WIZ: variants seen among roughly 807,000 people sequenced by gnomAD.
WIZ encodes protein Wiz.
In WIZ, 25 loss-of-function variants were observed where a neutral mutation model predicts 140.2. That is an observed-to-expected ratio of 0.18 (90% CI 0.13 to 0.25). The LOEUF is 0.25. WIZ is among the 10% of genes least tolerant of loss of function. The probability of loss-of-function intolerance (pLI) is 1.00; values close to 1 mark genes in which losing one functional copy is unlikely to be tolerated. For synonymous variants in WIZ, 1,125 were observed against 1,154.3 expected, an observed-to-expected ratio of 0.97 and a Z score of 0.51; for missense variants, 2,231 against 2,632.6, an observed-to-expected ratio of 0.85 and a Z score of 3.34.
chr19:15,424,427 A>G lies in WIZ; in HGVS notation c.5315-49T>C. ...GATGAGTGGGAGGGGTGGATGCTGC[A>G]GAGACTTGGAATACACAAGAGCTGA... On this transcript the variant is annotated intron_variant, in intron 11 of 12. Transcript: ENST00000673675. The surrounding 1 kb of genome is among the most constrained non-coding windows in gnomAD (Gnocchi z 9.7). 1 of 1,580,526 alleles carries G rather than the reference A, an allele frequency of 6.3e-7. No individual in the cohort carries two copies. Among genetic ancestry groups the G allele is most frequent in the Non-Finnish European group, 8.6e-7 (1 of 1,166,952 alleles).
Position 15,427,365 on chromosome 19 carries a change from C to G in WIZ, c.3983G>C (p.Arg1328Thr), listed in dbSNP as rs1362128280. ...TCCACCAGGCCGAGACTGGGTCCGT[C>G]TCTTCAGGATCTCCCGCAGCGTGTC... is the stretch of plus-strand genomic sequence containing the variant. Reference protein sequence around the residue: ...PIDTLREILKRRTQSRPGGPP... With the variant: ...PIDTLREILKTRTQSRPGGPP... Residue 1328 changes from arginine (R) to threonine (T), a missense_variant, in exon 9 of 13, where the codon AGA becomes ACA. By Grantham distance (71) the Arg-to-Thr change is moderately conservative. Around this residue, in one of 15 missense-constraint regions of WIZ, gnomAD observed 393 missense variants for 451.7 expected, o/e 0.87. Coordinates refer to ENST00000673675, the MANE Select transcript of WIZ (RefSeq NM_001371589.1). The surrounding 1 kb of genome is among the most constrained non-coding windows in gnomAD (Gnocchi z 6.4). The G allele has an allele frequency of 3.1e-6, 5 of 1,613,564 alleles. No individual in the cohort carries two copies. Among genetic ancestry groups the G allele is most frequent in the Non-Finnish European group, 4.2e-6 (5 of 1,180,022 alleles).
Position 15,440,211 on chromosome 19 carries a change from T to G in WIZ, c.783A>C (p.Val261=). The change falls in exon 4 of 13, where the codon GTA becomes GTC. Residue 261 remains valine, a synonymous_variant. Transcript: ENST00000673675. The surrounding 1 kb of genome is among the most constrained non-coding windows in gnomAD (Gnocchi z 6.2). Reference sequence around the variant, plus strand: ...AGTTCACTGTCCAGGTCTGTGTGGCTACCTCCGAGGCTGACGTGGGTAGGC... The same window carrying G: ...AGTTCACTGTCCAGGTCTGTGTGGCGACCTCCGAGGCTGACGTGGGTAGGC... ...EWGLPTSASE[V]ATQTWTVNSE... The G allele has an allele frequency of 6.6e-7, 1 of 1,522,630 alleles. No individual in the cohort carries two copies. Among genetic ancestry groups the G allele is most frequent in the Non-Finnish European group, 8.8e-7 (1 of 1,140,978 alleles). 94.3% of individuals were successfully genotyped at this position (1,522,630 alleles called of 1,614,324 possible).
chr19:15,449,284 C>A (rs116119665), intron 1 of WIZ, among the ~76,000 whole-genome samples: 1 of 151,978 alleles, frequency 6.6e-6, no homozygotes, highest in Non-Finnish European at 1.5e-5. Context: ...TGGTTGCAGG[C>A]GCTGCCCTCG....
At chr19:15,435,402 C>G (rs572619578) in intron 5 of WIZ, among the ~76,000 whole-genome samples, 6 of 151,768 alleles carry the variant, frequency 4.0e-5, no homozygotes, top group South Asian at 2.1e-4. Context: ...CCCAGGAGTT[C>G]CAGACCAGCT....
chr19:15,432,596 G>A lies in WIZ; in HGVS notation c.2741-1414C>T, dbSNP rs1008010999. On this transcript the variant is annotated intron_variant, in intron 5 of 12. Transcript: ENST00000673675. The stretch of plus-strand genomic sequence containing the variant: ...GCGGGGCCCGGGCTCGGGGGGCTGG[G>A]CGGGGGCGCCCCCGCGGGCGCGCGC... 7.4e-5 allele frequency: 23 copies of A among 310,370 alleles called. 1 individual carries two copies. Among genetic ancestry groups the A allele is most frequent in the Non-Finnish European group, 1.1e-4 (23 of 216,924 alleles). 19.2% of individuals were successfully genotyped at this position (310,370 alleles called of 1,614,324 possible).
intron 5 of WIZ, among the ~76,000 whole-genome samples, chr19:15,431,922 G>A (rs1412362960): frequency 1.3e-5 from 2 of 152,240 alleles, no homozygotes; most frequent in Non-Finnish European, 2.9e-5. Flanking sequence ...GAGGCCAGTT[G>A]AACTCCAAAT....
At position 15,442,279 on chromosome 19, in the gene WIZ, C is replaced by G. The variant is rs972202380; in HGVS notation, c.278+397G>C. Among the ~76,000 whole-genome samples the G allele has an allele frequency of 2.6e-5, 4 of 152,066 alleles. No homozygotes were observed. Among genetic ancestry groups the G allele is most frequent in the African/African-American group, 7.2e-5 (3 of 41,408 alleles). On this transcript the variant is annotated intron_variant, in intron 3 of 12. Coordinates refer to ENST00000673675, the MANE Select transcript of WIZ (RefSeq NM_001371589.1). This position sits in a 1 kb window ranked among gnomAD's most constrained non-coding sequence, Gnocchi z 5.5. ...ATCAGCATTGCTCTTGATTCCTGCT[C>G]TCACCCAATGCCCCTTGGATCCTCA...
Position 15,436,925 on chromosome 19 carries a change from A to AG in WIZ, c.2620dup (p.Leu874ProfsTer32). 6.2e-7 allele frequency: 1 copy of AG among 1,613,168 alleles called. No homozygotes were observed. The highest frequency in any genetic ancestry group is 8.5e-7 in the Non-Finnish European group (1 of 1,179,642). On this transcript the variant is annotated frameshift_variant, in exon 5 of 13. Coordinates refer to ENST00000673675, the MANE Select transcript of WIZ (RefSeq NM_001371589.1). LOFTEE classifies it high-confidence loss of function. ...AGGCGGACCCCCAGGCTCTCGGCCC[A>AG]GGGGGCTGGGGGGCTGCTCAGCAGC...
At chr19:15,445,554 G>C (rs982504138) in intron 2 of WIZ, among the ~76,000 whole-genome samples, 6 of 152,030 alleles carry the variant, frequency 3.9e-5, no homozygotes, top group African/African-American at 1.4e-4. Flanking sequence ...CCTCAGGTCC[G>C]GTCACTCCAT....
In WIZ at chr19:15,424,271, G is replaced by T. The variant is rs369803973; in HGVS notation, c.5422C>A (p.Arg1808=). The T allele has an allele frequency of 6.3e-7, 1 of 1,588,772 alleles. No homozygotes were observed. The highest frequency in any genetic ancestry group is 8.5e-7 in the Non-Finnish European group (1 of 1,171,210). The change falls in exon 12 of 13, where the codon CGA becomes AGA. Residue 1808 remains arginine, a synonymous_variant. Coordinates refer to ENST00000673675, the MANE Select transcript of WIZ (RefSeq NM_001371589.1). The surrounding 1 kb of genome is among the most constrained non-coding windows in gnomAD (Gnocchi z 9.7). ...KLEEVRQPPP[R]VRPVPSLVPR... Reference sequence around the variant, plus strand: ...ACCAGGGAGGGGACTGGCCGGACTCGGGGTGGGGGTTGCCGCACCTCCTCC... The same window carrying T: ...ACCAGGGAGGGGACTGGCCGGACTCTGGGTGGGGGTTGCCGCACCTCCTCC...
rs1270852686 is a variant in WIZ, at chr19:15,439,361, G to T, written c.1633C>A (p.Pro545Thr). The part of the protein sequence containing the change: ...MWRENPAGYD[P>T]SLAFGPGCQQ... ...CATCCTGGGCCAAAGGCCAGGCTGG[G>T]GTCGTATCCAGCAGGGTTCTCCCGC... Residue 545 changes from proline (P) to threonine (T), a missense_variant, in exon 4 of 13, where the codon CCC (proline) becomes ACC (threonine). By Grantham distance (38) the Pro-to-Thr change is conservative. This residue lies in a region of WIZ where 475 missense variants were observed against 520.2 expected (regional missense o/e 0.91). Transcript: ENST00000673675. The surrounding 1 kb of genome is among the most constrained non-coding windows in gnomAD (Gnocchi z 7.0). 1 of 1,534,762 alleles carries T rather than the reference G, an allele frequency of 6.5e-7. No individual in the cohort carries two copies. Among genetic ancestry groups the T allele is most frequent in the African/African-American group, 1.4e-5 (1 of 73,152 alleles).
intron 5 of WIZ, 52 bp from the exon 6 acceptor site, chr19:15,431,234 C>A (rs1054887381): frequency 1.1e-5 from 16 of 1,450,576 alleles, no homozygotes; most frequent in Middle Eastern, 1.8e-4. Context: ...GCTGTCTATA[C>A]CCAGAACTAA....
rs1158789084 is a variant in WIZ at position 15,436,945 on chromosome 19, A to G, written c.2601T>C (p.Ala867=). The G allele has an allele frequency of 3.1e-6, 5 of 1,613,488 alleles. No individual in the cohort carries two copies. Among genetic ancestry groups the G allele is most frequent in the African/African-American group, 1.3e-5 (1 of 74,924 alleles). ...GGCCCAGGGGGCTGGGGGGCTGCTCAGCAGCAGAGGTGGCCAGCAGCTCCT... is the reference window on the plus strand; with the variant it reads ...GGCCCAGGGGGCTGGGGGGCTGCTCGGCAGCAGAGGTGGCCAGCAGCTCCT... ...ILQELLATSA[A]EQPPSPLGRE... The change falls in exon 5 of 13, where the codon GCT becomes GCC. Residue 867 remains alanine (A), a synonymous_variant. Transcript: ENST00000673675.
Position 15,424,194 on chromosome 19 carries a change from G to A in WIZ, c.5499C>T (p.Thr1833=). 1.9e-6 allele frequency: 3 copies of A among 1,545,762 alleles called. No individual in the cohort carries two copies. The highest frequency in any genetic ancestry group is 1.4e-5 in the African/African-American group (1 of 71,298). The change falls in exon 12 of 13, where the codon ACC becomes ACT. Residue 1833 remains threonine (T), a synonymous_variant. Transcript: ENST00000673675. The surrounding 1 kb of genome is among the most constrained non-coding windows in gnomAD (Gnocchi z 9.7). The part of the protein sequence containing the change: ...SLVKFVGNIY[T]LKCRFCEVEF... Reference sequence around the variant, plus strand: ...CAGGGGCAGCCTACCTGCATTTGAGGGTGTAGATGTTGCCCACGAACTTGA... The same window carrying A: ...CAGGGGCAGCCTACCTGCATTTGAGAGTGTAGATGTTGCCCACGAACTTGA...
At chr19:15,446,875 A>C (rs1969938531) in intron 2 of WIZ, among the ~76,000 whole-genome samples, 1 of 152,238 alleles carries the variant, frequency 6.6e-6, no homozygotes, top group South Asian at 2.1e-4. Context: ...TGGCCCCTAG[A>C]AGATGCTGTG....
chr19:15,426,916 C>A (rs910872053), intron 9 of WIZ, 66 bp downstream of exon 9: 3 of 1,540,442 alleles, frequency 1.9e-6, no homozygotes, highest in African/African-American at 2.7e-5. Context: ...CTGGATACCC[C>A]CAAGGGGAGG....
chr19:15,440,451 G>A lies in WIZ; in HGVS notation c.543C>T (p.Arg181=). The A allele has an allele frequency of 1.3e-6, 2 of 1,536,100 alleles. No individual in the cohort carries two copies. Among genetic ancestry groups the A allele is most frequent in the Non-Finnish European group, 1.7e-6 (2 of 1,146,896 alleles). The change falls in exon 4 of 13, where the codon CGC becomes CGT. Residue 181 remains arginine, a synonymous_variant. Coordinates refer to ENST00000673675, the MANE Select transcript of WIZ (RefSeq NM_001371589.1). This position sits in a 1 kb window ranked among gnomAD's most constrained non-coding sequence, Gnocchi z 6.2. ...PRLLEKHAQG[R]PRFDWLQDED... ...CATCTTGGAGCCAGTCGAACCTGGG[G>A]CGGCCCTGGGCATGTTTCTCCAAAA...
chr19:15,446,114 A>T (rs1436716848), intron 2 of WIZ, among the ~76,000 whole-genome samples: 2 of 152,106 alleles, frequency 1.3e-5, no homozygotes, highest in African/African-American at 2.4e-5. Flanking sequence ...CCAGCTGCTG[A>T]GGGAAACCTT....
chr19:15,444,031 A>C (rs1969832701), intron 2 of WIZ, among the ~76,000 whole-genome samples: 2 of 152,214 alleles, frequency 1.3e-5, no homozygotes, highest in African/African-American at 4.8e-5. Flanking sequence ...TAAGCTTGCC[A>C]ATCGGGGAGC....
Sources: allele counts gnomAD v4.1 joint callset (sites outside exome capture counted in the v4.1 genomes callset), GRCh38; gene constraint gnomAD v4.1.1; regional missense constraint gnomAD v4.1.1; non-coding constraint Gnocchi (gnomAD v3.1); transcripts MANE v1.5; gene names NCBI Gene and HGNC (gene_info 2026-07-23, HGNC 2026-07-21).